TRAPPC9: variants seen among roughly 807,000 people sequenced by gnomAD.
TRAPPC9 encodes trafficking protein particle complex subunit 9.
Under a neutral mutation model 124.0 loss-of-function variants are expected in TRAPPC9, and 83 were observed. The ratio of observed to expected loss-of-function variants is 0.67; its 90% CI spans 0.56 to 0.80. The LOEUF is 0.80. Ranked by LOEUF, TRAPPC9 falls within the 30% of genes least tolerant of loss-of-function variation. TRAPPC9 has a pLI of 0.00. For missense variants in TRAPPC9, 1,302 were observed against 1,508.3 expected (o/e 0.86, Z 2.27); for synonymous variants, 638 against 617.5 (o/e 1.03, Z -0.49).
chr8:139,930,043 T>C (rs888860515), intron 19 of TRAPPC9, among the ~76,000 whole-genome samples: 2 of 152,266 alleles, frequency 1.3e-5, no homozygotes, highest in Non-Finnish European at 2.9e-5. Flanking sequence ...TACACTTCTC[T>C]GTTATGAACA....
At chr8:140,020,733 A>C (rs1839788810) in intron 18 of TRAPPC9, among the ~76,000 whole-genome samples, 1 of 152,232 alleles carries the variant, frequency 6.6e-6, no homozygotes, top group Non-Finnish European at 1.5e-5. Flanking sequence ...ATTTTACCAA[A>C]TACTGAGAGA....
Position 140,252,296 on chromosome 8 carries a change from G to A in TRAPPC9, c.2431+481C>T, listed in dbSNP as rs1262210781. 6.6e-6 allele frequency among the ~76,000 whole-genome samples: 1 copy of A among 152,164 alleles called. No homozygotes were observed. On this transcript the variant is annotated intron_variant, in intron 16 of 22. Coordinates refer to ENST00000438773, the MANE Select transcript of TRAPPC9 (RefSeq NM_001160372.4). The surrounding 1 kb of genome is among the most constrained non-coding windows in gnomAD (Gnocchi z 4.2). ...CCGCCCTGGCCTCCCAGAGTGCTGA[G>A]ATTATAGGTGTGAGCCATCACACCC...
At chr8:139,921,819 G>A (rs1243840780) in intron 19 of TRAPPC9, among the ~76,000 whole-genome samples, 1 of 149,572 alleles carries the variant, frequency 6.7e-6, no homozygotes, top group Non-Finnish European at 1.5e-5. Context: ...CTGCCCCCCT[G>A]CTGCCGCATC....
intron 15 of TRAPPC9, among the ~76,000 whole-genome samples, chr8:140,272,136 T>TGGCGATGATGATGGTGATGGTGGC (rs1315486359): frequency 1.3e-5 from 2 of 149,942 alleles, no homozygotes; most frequent in African/African-American, 4.9e-5. Flanking sequence ...GTGGCGATGG[T>TGGCGATGATGATGGTGATGGTGGC]GATGGTGATG....
chr8:140,079,908 C>T (rs749855812), intron 17 of TRAPPC9, among the ~76,000 whole-genome samples: 6 of 151,714 alleles, frequency 4.0e-5, no homozygotes, highest in Non-Finnish European at 5.9e-5. Flanking sequence ...CCAGCCTGGG[C>T]GAGAGAGCAC....
intron 21 of TRAPPC9, among the ~76,000 whole-genome samples, chr8:139,754,438 G>A (rs1477290635): frequency 6.6e-6 from 1 of 152,214 alleles, no homozygotes; most frequent in Non-Finnish European, 1.5e-5. Context: ...TCTGGGTGCT[G>A]CTTGCAGACA....
intron 19 of TRAPPC9, among the ~76,000 whole-genome samples, chr8:139,952,232 C>T (rs1031851052): frequency 6.6e-6 from 1 of 152,190 alleles, no homozygotes; most frequent in Non-Finnish European, 1.5e-5. Context: ...CCAGACACTG[C>T]GTAAGGGGCT....
rs1183518421 is a variant in TRAPPC9 at position 140,116,602 on chromosome 8, A to G, written c.2557-92523T>C. On this transcript the variant is annotated intron_variant, in intron 17 of 22. Coordinates refer to ENST00000438773, the MANE Select transcript of TRAPPC9 (RefSeq NM_001160372.4). Reference sequence around the variant, plus strand: ...AGGGGACCATTTTAAAGAGTCACATATATCTCTCTAGCACTAAAATTGATT... The same window carrying G: ...AGGGGACCATTTTAAAGAGTCACATGTATCTCTCTAGCACTAAAATTGATT... Among the ~76,000 whole-genome samples the G allele has an allele frequency of 2.6e-5, 4 of 152,222 alleles. No homozygotes were observed. The East Asian group carries it at 5.8e-4, about 22-fold the overall frequency.
intron 2 of TRAPPC9, among the ~76,000 whole-genome samples, chr8:140,447,360 A>G (rs958349965): frequency 9.9e-5 from 15 of 152,214 alleles, no homozygotes; most frequent in Non-Finnish European, 1.5e-5. Flanking sequence ...TTGTTTTTTA[A>G]AGCAGTGAAG....
At chr8:140,128,295 A>AAC (rs992429414) in intron 17 of TRAPPC9, among the ~76,000 whole-genome samples, 1 of 152,162 alleles carries the variant, frequency 6.6e-6, no homozygotes, top group Admixed American at 6.5e-5. Context: ...AAAATACACA[A>AAC]ACACACACAC....
At chr8:140,368,493 T>C (rs1445818936) in intron 8 of TRAPPC9, among the ~76,000 whole-genome samples, 1 of 152,052 alleles carries the variant, frequency 6.6e-6, no homozygotes, top group Non-Finnish European at 1.5e-5. Flanking sequence ...CCATAAAAAC[T>C]GGGGATTTAT....
chr8:140,435,030 A>C (rs901573195), intron 4 of TRAPPC9, 82 bp downstream of exon 4: 13 of 1,603,004 alleles, frequency 8.1e-6, no homozygotes, highest in Non-Finnish European at 1.1e-5. Context: ...ATTAGTCCTA[A>C]CTCAAAGGAA....
chr8:139,836,406 T>C (rs1423873349), intron 21 of TRAPPC9, among the ~76,000 whole-genome samples: 1 of 152,070 alleles, frequency 6.6e-6, no homozygotes, highest in Non-Finnish European at 1.5e-5. Context: ...TCGATGTGTG[T>C]GTTTCCTGCA....
rs144569575 is a variant in TRAPPC9, at chr8:140,435,157, G to T, written c.814C>A (p.Gln272Lys). 7.2e-5 allele frequency: 117 copies of T among 1,614,178 alleles called. No homozygotes were observed. The African/African-American group carries it at 1.4e-3, about 20-fold the overall frequency. Residue 272 changes from glutamine (Q) to lysine (K), a missense_variant, in exon 4 of 23, where the codon CAG becomes AAG. Around this residue, in one of 3 missense-constraint regions of TRAPPC9, gnomAD observed 657 missense variants for 811.2 expected, o/e 0.81. Transcript: ENST00000438773. ...TGGKSGARRF[Q>K]GSTLPAEAAN... ...GCTTCAGCAGGAAGGGTGCTGCCCT[G>T]GAACCTCCGAGCTCCACTCTTCCCA...
chr8:139,869,493 A>C (rs1204967103), intron 21 of TRAPPC9, among the ~76,000 whole-genome samples: 1 of 152,246 alleles, frequency 6.6e-6, no homozygotes, highest in African/African-American at 2.4e-5. Context: ...ATGGACCCAC[A>C]TGAGCATTAG....
intron 22 of TRAPPC9, among the ~76,000 whole-genome samples, chr8:139,731,549 G>T (rs1022960578): frequency 6.6e-6 from 1 of 152,184 alleles, no homozygotes; most frequent in Non-Finnish European, 1.5e-5. Flanking sequence ...GCTGGGGCCT[G>T]ACAGTGAGGT....
intron 21 of TRAPPC9, among the ~76,000 whole-genome samples, chr8:139,837,825 A>G (rs1826458943): frequency 6.6e-6 from 1 of 151,416 alleles, no homozygotes; most frequent in Non-Finnish European, 1.5e-5. Context: ...TTCTCCTTCC[A>G]GAGTCCATCC....
intron 19 of TRAPPC9, among the ~76,000 whole-genome samples, chr8:139,967,730 T>A (rs185017953): frequency 2.0e-4 from 31 of 152,380 alleles, no homozygotes; most frequent in African/African-American, 7.2e-4. Context: ...CAGCACTGTA[T>A]GTTGTATTAC....
intron 17 of TRAPPC9, among the ~76,000 whole-genome samples, chr8:140,077,927 G>GA (rs1843604572): frequency 1.3e-5 from 2 of 152,136 alleles, no homozygotes; most frequent in Admixed American, 1.3e-4. Context: ...GTTTCTTATG[G>GA]AAAAACATGA....
Sources: allele counts gnomAD v4.1 joint callset (sites outside exome capture counted in the v4.1 genomes callset), GRCh38; gene constraint gnomAD v4.1.1; regional missense constraint gnomAD v4.1.1; non-coding constraint Gnocchi (gnomAD v3.1); transcripts MANE v1.5; gene names NCBI Gene and HGNC (gene_info 2026-07-23, HGNC 2026-07-21).